Variants in ITGA8 observed in about 807,000 individuals in gnomAD.
ITGA8 encodes the protein integrin alpha-8.
A neutral mutation model predicts 142.3 loss-of-function variants in ITGA8; 91 were observed. The observed-to-expected ratio is 0.64, with a 90% CI of 0.54 to 0.76. The LOEUF (loss-of-function observed/expected upper bound fraction) is 0.76. Ranked by LOEUF, ITGA8 falls within the 30% of genes least tolerant of loss-of-function variation. The pLI is 0.00. For synonymous variants in ITGA8, 505 were observed against 485.2 expected, an observed-to-expected ratio of 1.04 and a Z score of -0.54; for missense variants, 1,406 against 1,327.7, an observed-to-expected ratio of 1.06 and a Z score of -0.92.
intron 21 of ITGA8, among the ~76,000 whole-genome samples, chr10:15,593,113 C>G (rs561885734): frequency 6.6e-6 from 1 of 152,094 alleles, no homozygotes; most frequent in African/African-American, 2.4e-5. Flanking sequence ...TACAGGAGTG[C>G]GGATGCGCTA....
chr10:15,680,085 C>A (rs1452770262), intron 4 of ITGA8, among the ~76,000 whole-genome samples: 1 of 152,100 alleles, frequency 6.6e-6, no homozygotes, highest in Non-Finnish European at 1.5e-5. Context: ...TGGGCATGCG[C>A]CTGTTCAGAA....
intron 2 of ITGA8, among the ~76,000 whole-genome samples, chr10:15,701,080 T>C (rs1393698715): frequency 2.0e-5 from 3 of 152,230 alleles, no homozygotes; most frequent in Non-Finnish European, 4.4e-5. Flanking sequence ...AATAACCAAG[T>C]TCCCATCTAT....
intron 28 of ITGA8, among the ~76,000 whole-genome samples, chr10:15,528,554 G>A (rs1312768480): frequency 3.4e-5 from 5 of 145,160 alleles, no homozygotes; most frequent in Non-Finnish European, 6.0e-5. Flanking sequence ...TGGCAGGGCT[G>A]GGGAAAGCAT....
At chr10:15,621,566 A>AT (rs1191655917) in intron 13 of ITGA8, among the ~76,000 whole-genome samples, 2 of 152,158 alleles carry the variant, frequency 1.3e-5, no homozygotes, top group African/African-American at 4.8e-5. Context: ...AAGAAGTTCT[A>AT]TTTGAAAACA....
chr10:15,612,449 A>G (rs1833315310), intron 15 of ITGA8, among the ~76,000 whole-genome samples: 1 of 152,208 alleles, frequency 6.6e-6, no homozygotes, highest in Non-Finnish European at 1.5e-5. Flanking sequence ...TAAGGGCAAA[A>G]TATTAAACAC....
rs565942153 is a variant in ITGA8, at chr10:15,657,592, A to G, written c.948+1407T>C. Among the ~76,000 whole-genome samples, 6 of 141,694 alleles carry G rather than the reference A, an allele frequency of 4.2e-5. No homozygotes were observed. The East Asian group carries it at 1.2e-3, about 29-fold the overall frequency. The allele number at this position is 141,694 out of a possible 152,430, so 93.0% of individuals were successfully genotyped here. A position where few individuals can be genotyped will look rare whatever the true frequency, so the allele number is the denominator to read the frequency against. ...GGTCATGAGCTCCAGGCCTCAAGTG[A>G]TCCTCCTGCCTTGGCCTTCCAAACT... On this transcript the variant is annotated intron_variant, in intron 10 of 29. Transcript: ENST00000378076.
At position 15,516,005 on chromosome 10, in the gene ITGA8, A is replaced by G. The variant is rs1339958626; in HGVS notation, c.*1153T>C. On this transcript the variant is annotated 3_prime_UTR_variant, in exon 30 of 30. Transcript: ENST00000378076. ...GTTTGGCTCATGCCTGTATAATTTT[A>G]TGTTTTTGTCTAAGTTATATTCAAC... 1 of 152,178 alleles carries G rather than the reference A, an allele frequency of 6.6e-6. No individual in the cohort carries two copies. Among genetic ancestry groups the G allele is most frequent in the African/African-American group, 2.4e-5 (1 of 41,450 alleles). The allele number at this position is 152,178 out of a possible 1,614,324, so 9.4% of individuals were successfully genotyped here. A position where few individuals can be genotyped will look rare whatever the true frequency, so the allele number is the denominator to read the frequency against.
intron 20 of ITGA8, among the ~76,000 whole-genome samples, chr10:15,601,402 T>C (rs1833102118): frequency 6.6e-6 from 1 of 152,024 alleles, no homozygotes; most frequent in Non-Finnish European, 1.5e-5. Context: ...GAATGGTGCT[T>C]ACCAGGGCCT....
intron 26 of ITGA8, among the ~76,000 whole-genome samples, chr10:15,549,201 G>GTTTTTTTTTTTTTTTTTTTTTTTTTTT (rs67683436): frequency 8.4e-5 from 9 of 107,338 alleles, no homozygotes; most frequent in East Asian, 2.6e-4. Context: ...TTTCTTTTCT[G>GTTTTTTTTTTTTTTTTTTTTTTTTTTT]TTTTTTTTTT....
At chr10:15,689,333 C>CG (rs1235600977) in intron 2 of ITGA8, among the ~76,000 whole-genome samples, 2 of 152,174 alleles carry the variant, frequency 1.3e-5, no homozygotes, top group Non-Finnish European at 2.9e-5. Flanking sequence ...TGGAGAACAG[C>CG]AAGGGAGTGG....
intron 28 of ITGA8, among the ~76,000 whole-genome samples, chr10:15,520,877 C>T (rs983107100): frequency 1.3e-5 from 2 of 152,176 alleles, no homozygotes; most frequent in Non-Finnish European, 1.5e-5. Context: ...ACCCACCCGT[C>T]AGGAGAGGCT....
intron 27 of ITGA8, among the ~76,000 whole-genome samples, chr10:15,535,898 C>G (rs578157934): frequency 1.3e-5 from 2 of 152,218 alleles, no homozygotes; most frequent in African/African-American, 2.4e-5. Context: ...ACACTCACCT[C>G]GAAGGTCTGC....
intron 19 of ITGA8, 83 bp from the exon 20 acceptor site, chr10:15,604,438 G>A: frequency 8.4e-7 from 1 of 1,192,982 alleles, no homozygotes; most frequent in South Asian, 1.7e-5. Context: ...TATAGAGGAG[G>A]AAAAGAAAAA....
At chr10:15,711,941 C>T (rs190479990) in intron 2 of ITGA8, among the ~76,000 whole-genome samples, 13 of 152,306 alleles carry the variant, frequency 8.5e-5, no homozygotes, top group African/African-American at 3.1e-4. Context: ...CATCTAGTGA[C>T]ATTCATCTAA....
At chr10:15,522,231 T>A (rs1190080000) in intron 28 of ITGA8, among the ~76,000 whole-genome samples, 1 of 152,170 alleles carries the variant, frequency 6.6e-6, no homozygotes, top group Non-Finnish European at 1.5e-5. Context: ...CAATTATATA[T>A]CAATAGAAAA....
At chr10:15,594,408 T>G (rs1457361717) in intron 21 of ITGA8, among the ~76,000 whole-genome samples, 1 of 152,114 alleles carries the variant, frequency 6.6e-6, no homozygotes, top group Non-Finnish European at 1.5e-5. Flanking sequence ...GAGTTTCTTA[T>G]TGAGTGAAGG....
At chr10:15,541,371 C>T (rs1419630134) in intron 27 of ITGA8, among the ~76,000 whole-genome samples, 1 of 152,198 alleles carries the variant, frequency 6.6e-6, no homozygotes, top group Admixed American at 6.5e-5. Context: ...TCAAACGAAG[C>T]CATCAAGGTG....
At chr10:15,594,979 G>C (rs1300397729) in intron 21 of ITGA8, among the ~76,000 whole-genome samples, 1 of 152,014 alleles carries the variant, frequency 6.6e-6, no homozygotes, top group Non-Finnish European at 1.5e-5. Flanking sequence ...TCCTTAACTA[G>C]TACCAAACAC....
At chr10:15,519,082 GC>G (rs1833010949) in intron 29 of ITGA8, among the ~76,000 whole-genome samples, 1 of 152,122 alleles carries the variant, frequency 6.6e-6, no homozygotes, top group South Asian at 2.1e-4. Context: ...GCAACATTAA[GC>G]ACCTCTAGTC....
Sources: allele counts gnomAD v4.1 joint callset (sites outside exome capture counted in the v4.1 genomes callset), GRCh38; gene constraint gnomAD v4.1.1; transcripts MANE v1.5; gene names NCBI Gene and HGNC (gene_info 2026-07-23, HGNC 2026-07-21).